Variants in TOR1B observed in about 807,000 individuals in gnomAD.
TOR1B encodes torsin-1B.
A neutral mutation model predicts 29.2 loss-of-function variants in TOR1B; 14 were observed. The ratio of observed to expected loss-of-function variants is 0.48; its 90% CI spans 0.32 to 0.75. The LOEUF is 0.75. Among genes scored for constraint, TOR1B ranks in the 30% least tolerant of loss-of-function variants. The probability of loss-of-function intolerance (pLI) is 0.04; values close to 1 mark genes in which losing one functional copy is unlikely to be tolerated. For synonymous variants in TOR1B, 166 were observed against 179.8 expected, an observed-to-expected ratio of 0.92 and a Z score of 0.62; for missense variants, 400 against 433.9, an observed-to-expected ratio of 0.92 and a Z score of 0.69.
chr9:129,803,838 G>T (rs1377162737), intron 1 of TOR1B, among the ~76,000 whole-genome samples: 1 of 152,194 alleles, frequency 6.6e-6, no homozygotes, highest in Admixed American at 6.5e-5. Flanking sequence ...TCAAGCGATG[G>T]TTCATCTCTG....
intron 2 of TOR1B, 155 bp downstream of exon 2, chr9:129,804,493 T>C (rs1175088543): frequency 1.1e-6 from 1 of 921,204 alleles, no homozygotes; most frequent in East Asian, 2.5e-5. Context: ...GTTACAAAGC[T>C]CTCCTACAAC....
chr9:129,809,081 G>A (rs372049534), intron 4 of TOR1B, 49 bp downstream of exon 4: 82 of 1,557,712 alleles, frequency 5.3e-5, no homozygotes, highest in Non-Finnish European at 6.4e-5. Flanking sequence ...GCAGTGAGCC[G>A]TCTGCTCTTT....
At chr9:129,808,828 A>G in intron 3 of TOR1B, 77 bp from the exon 4 acceptor site, 1 of 1,571,704 alleles carries the variant, frequency 6.4e-7, no homozygotes, top group South Asian at 1.1e-5. Context: ...CTGGGATTAC[A>G]GGCATGAGCC....
At chr9:129,807,397 C>T (rs775837238) in intron 3 of TOR1B, 34 bp downstream of exon 3, 1 of 1,607,600 alleles carries the variant, frequency 6.2e-7, no homozygotes. Flanking sequence ...GGCACACAAG[C>T]CCTTCATTCT....
At position 129,807,314 on chromosome 9, in the gene TOR1B, G is replaced by C. The variant is rs770603211; in HGVS notation, c.592G>C (p.Glu198Gln). Residue 198 changes from glutamate (E) to glutamine (Q), a missense_variant, in exon 3 of 5, where the codon GAG becomes CAG. Physicochemically the swap from Glu to Gln is conservative, Grantham distance 29. Coordinates refer to ENST00000259339, the MANE Select transcript of TOR1B (RefSeq NM_014506.3). ...AATCAAGCCGTTTCTAGACTACTAC[G>C]AGCAGGTTGACGGAGTGTCTTACCG... Reference protein sequence around the residue: ...DAIKPFLDYYEQVDGVSYRKA... With the variant: ...DAIKPFLDYYQQVDGVSYRKA... 2 of 1,614,016 alleles carry C rather than the reference G, an allele frequency of 1.2e-6. No individual in the cohort carries two copies. Among genetic ancestry groups the C allele is most frequent in the South Asian group, 2.2e-5 (2 of 91,080 alleles).
In TOR1B at chr9:129,810,306, C is replaced by T; in HGVS notation, c.*723C>T. 7.7e-7 allele frequency: 1 copy of T among 1,301,024 alleles called. No homozygotes were observed. The highest frequency in any genetic ancestry group is 1.0e-6 in the Non-Finnish European group (1 of 988,368). The allele number at this position is 1,301,024 out of a possible 1,614,324, so 80.6% of individuals were successfully genotyped here. On this transcript the variant is annotated 3_prime_UTR_variant, in exon 5 of 5. Transcript: ENST00000259339. The stretch of plus-strand genomic sequence containing the variant: ...TGTCTGACCGGAGGATGTGGCCGTG[C>T]CCGCCGAGCACTCTTGATCTGAGCT...
At position 129,803,208 on chromosome 9, in the gene TOR1B, G is replaced by T; in HGVS notation, c.-5G>T. On this transcript the variant is annotated 5_prime_UTR_variant, in exon 1 of 5. Coordinates refer to ENST00000259339, the MANE Select transcript of TOR1B (RefSeq NM_014506.3). ...CAGTGGCTTCTGCGGGCTTCGAGGA[G>T]CGGGATGTTGCGGGCTGGGTGGCTC... 2 of 1,477,190 alleles carry T rather than the reference G, an allele frequency of 1.4e-6. No homozygotes were observed. Among genetic ancestry groups the T allele is most frequent in the South Asian group, 1.3e-5 (1 of 74,192 alleles). The allele number at this position is 1,477,190 out of a possible 1,614,324, so 91.5% of individuals were successfully genotyped here.
At position 129,807,304 on chromosome 9, in the gene TOR1B, A is replaced by T; in HGVS notation, c.582A>T (p.Leu194=). Residue 194 remains leucine (L), a synonymous_variant, in exon 3 of 5, where the codon CTA becomes CTT. Transcript: ENST00000259339. ...TCATTGACGCAATCAAGCCGTTTCT[A>T]GACTACTACGAGCAGGTTGACGGAG... is the stretch of plus-strand genomic sequence containing the variant. The part of the protein sequence containing the change: ...PGIIDAIKPF[L]DYYEQVDGVS... 6.2e-7 allele frequency: 1 copy of T among 1,614,186 alleles called. No homozygotes were observed. Among genetic ancestry groups the T allele is most frequent in the Non-Finnish European group, 8.5e-7 (1 of 1,180,038 alleles).
chr9:129,806,222 G>A (rs1423285736), intron 2 of TOR1B, among the ~76,000 whole-genome samples: 1 of 152,102 alleles, frequency 6.6e-6, no homozygotes, highest in African/African-American at 2.4e-5. Context: ...ACAAACTGAC[G>A]TGAGACAGGG....
intron 1 of TOR1B, among the ~76,000 whole-genome samples, 196 bp downstream of exon 1, chr9:129,803,607 GCAAA>G (rs1031303211): frequency 2.6e-5 from 4 of 152,224 alleles, no homozygotes; most frequent in Non-Finnish European, 5.9e-5. Context: ...CGGTGCCTTC[GCAAA>G]CAGTCTCCAG....
chr9:129,809,608 A>G lies in TOR1B; in HGVS notation c.*25A>G. ...AGCTCCTATCCAGATGGGGTAGGAG[A>G]CAGCTGGGAGGCTCCGCACGCCAGA... On this transcript the variant is annotated 3_prime_UTR_variant, in exon 5 of 5. Transcript: ENST00000259339. The G allele has an allele frequency of 1.2e-6, 2 of 1,613,168 alleles. No individual in the cohort carries two copies. The highest frequency in any genetic ancestry group is 1.7e-6 in the Non-Finnish European group (2 of 1,179,246).
Position 129,810,349 on chromosome 9 carries a change from G to A in TOR1B, c.*766G>A, listed in dbSNP as rs1300771015. On this transcript the variant is annotated 3_prime_UTR_variant, in exon 5 of 5. Transcript: ENST00000259339. The stretch of plus-strand genomic sequence containing the variant: ...TCTGAGCTGACCTGTGTGTGTGTGT[G>A]TGGGGGGGTGGGGCCTTCACCTAAG... 9.2e-6 allele frequency: 10 copies of A among 1,090,808 alleles called. 1 individual carries two copies. Among genetic ancestry groups the A allele is most frequent in the African/African-American group, 5.4e-5 (3 of 55,370 alleles). The allele number at this position is 1,090,808 out of a possible 1,614,324, so 67.6% of individuals were successfully genotyped here.
chr9:129,805,493 T>C (rs540791902), intron 2 of TOR1B, among the ~76,000 whole-genome samples: 2 of 152,208 alleles, frequency 1.3e-5, no homozygotes, highest in South Asian at 2.1e-4. Context: ...ACAATCTTTG[T>C]AGCAGAACAG....
At chr9:129,804,020 C>T in intron 1 of TOR1B, 53 bp from the exon 2 acceptor site, 2 of 1,603,708 alleles carry the variant, frequency 1.2e-6, no homozygotes, top group Non-Finnish European at 8.5e-7. Context: ...TGCTGCGTTG[C>T]TGATGCATTT....
rs1399615852 is a variant in TOR1B, at chr9:129,810,081, G to A, written c.*498G>A. The A allele has an allele frequency of 1.3e-5, 17 of 1,259,838 alleles. No individual in the cohort carries two copies. Among genetic ancestry groups the A allele is most frequent in the African/African-American group, 4.6e-5 (3 of 65,064 alleles). 78.0% of individuals were successfully genotyped at this position (1,259,838 alleles called of 1,614,324 possible). On this transcript the variant is annotated 3_prime_UTR_variant, in exon 5 of 5. Coordinates refer to ENST00000259339, the MANE Select transcript of TOR1B (RefSeq NM_014506.3). ...ATAGCTTCTGACCCACAGCACCCGC[G>A]CCTCAGAAGCTACGGTCACAACTAA...
intron 2 of TOR1B, 104 bp from the exon 3 acceptor site, chr9:129,807,084 C>A: frequency 1.7e-6 from 2 of 1,164,572 alleles, no homozygotes; most frequent in Non-Finnish European, 2.5e-6. Flanking sequence ...ATTCTAAGAG[C>A]TCTGACCTCG....
rs1470634000 is a variant in TOR1B at position 129,810,002 on chromosome 9, T to C, written c.*419T>C. 1 of 1,191,384 alleles carries C rather than the reference T, an allele frequency of 8.4e-7. No individual in the cohort carries two copies. The highest frequency in any genetic ancestry group is 1.1e-6 in the Non-Finnish European group (1 of 938,210). 73.8% of individuals were successfully genotyped at this position (1,191,384 alleles called of 1,614,324 possible). On this transcript the variant is annotated 3_prime_UTR_variant, in exon 5 of 5. Transcript: ENST00000259339. ...TTTTAAAAATCCCCTTCACACTTAA[T>C]GTACTGACCGAGACAGAAGTACCTG...
rs1196058070 is a variant in TOR1B, at chr9:129,803,198, G to T, written c.-15G>T. On this transcript the variant is annotated 5_prime_UTR_variant, in exon 1 of 5. Transcript: ENST00000259339. Reference sequence around the variant, plus strand: ...GCGCCTGGCTCAGTGGCTTCTGCGGGCTTCGAGGAGCGGGATGTTGCGGGC... The same window carrying T: ...GCGCCTGGCTCAGTGGCTTCTGCGGTCTTCGAGGAGCGGGATGTTGCGGGC... The T allele has an allele frequency of 1.4e-6, 2 of 1,450,292 alleles. No individual in the cohort carries two copies. The highest frequency in any genetic ancestry group is 1.8e-6 in the Non-Finnish European group (2 of 1,106,744). The allele number at this position is 1,450,292 out of a possible 1,614,324, so 89.8% of individuals were successfully genotyped here. A position where few individuals can be genotyped will look rare whatever the true frequency, so the allele number is the denominator to read the frequency against.
chr9:129,808,961 G>C lies in TOR1B; in HGVS notation c.698G>C (p.Arg233Thr), dbSNP rs1265890535. Residue 233 changes from arginine to threonine, a missense_variant, in exon 4 of 5, where the codon AGA becomes ACA. Transcript: ENST00000259339. ...GCTCTTGACTTTTGGCGGGCCGGAA[G>C]AAAGAGGGAAGACATTCAGCTGAAG... Reference protein sequence around the residue: ...KTALDFWRAGRKREDIQLKDL... With the variant: ...KTALDFWRAGTKREDIQLKDL... 2 of 1,613,994 alleles carry C rather than the reference G, an allele frequency of 1.2e-6. No homozygotes were observed. The highest frequency in any genetic ancestry group is 3.3e-5 in the Admixed American group (2 of 59,974).
Sources: gnomAD v4.1 joint callset for allele counts (sites outside exome capture counted in the v4.1 genomes callset) on GRCh38, gnomAD v4.1.1 for gene constraint, MANE v1.5 for transcripts, NCBI Gene and HGNC (gene_info 2026-07-23, HGNC 2026-07-21) for gene names.